Variants in GARS1 observed in about 807,000 individuals in gnomAD.
GARS1 encodes the protein glycyl-tRNA synthetase 1.
GARS1 carries 46 observed loss-of-function variants against 86.4 expected under a neutral mutation model. That is an observed-to-expected ratio of 0.53 (90% CI 0.42 to 0.68). The LOEUF is 0.68. GARS1 is among the 30% of genes least tolerant of loss of function. The probability of loss-of-function intolerance (pLI) is 0.00; values close to 1 mark genes in which losing one functional copy is unlikely to be tolerated. For missense variants in GARS1, 797 were observed against 915.6 expected (o/e 0.87, Z 1.67); for synonymous variants, 342 against 329.8 (o/e 1.04, Z -0.40).
At chr7:30,627,429 A>G (rs1584050218) in intron 13 of GARS1, among the ~76,000 whole-genome samples, 1 of 152,380 alleles carries the variant, frequency 6.6e-6, no homozygotes, top group East Asian at 1.9e-4. Context: ...TCTTTATCAT[A>G]GACAAACAGG....
intron 6 of GARS1, among the ~76,000 whole-genome samples, chr7:30,604,201 A>G (rs552789409): frequency 1.3e-5 from 2 of 152,232 alleles, no homozygotes; most frequent in African/African-American, 4.8e-5. Context: ...AGACCACCCT[A>G]AGAATGTGAT....
intron 10 of GARS1, among the ~76,000 whole-genome samples, chr7:30,618,468 T>C (rs1782932565): frequency 6.6e-6 from 1 of 152,128 alleles, no homozygotes; most frequent in South Asian, 2.1e-4. Context: ...ACCCTGTCTC[T>C]ACAAAAAATA....
intron 12 of GARS1, among the ~76,000 whole-genome samples, chr7:30,623,791 C>G (rs1221404676): frequency 6.6e-6 from 1 of 151,996 alleles, no homozygotes; most frequent in African/African-American, 2.4e-5. Context: ...TAGCTAAAAA[C>G]CAGGGATGAA....
At chr7:30,618,922 T>TAC (rs938768852) in intron 10 of GARS1, among the ~76,000 whole-genome samples, 14 of 152,378 alleles carry the variant, frequency 9.2e-5, no homozygotes, top group African/African-American at 3.1e-4. Flanking sequence ...TTAATTTCTT[T>TAC]ACACTTTTTA....
At chr7:30,600,927 A>G (rs1791362112) in intron 3 of GARS1, 132 bp from the exon 4 acceptor site, 2 of 763,622 alleles carry the variant, frequency 2.6e-6, no homozygotes, top group Non-Finnish European at 4.5e-6. Flanking sequence ...AAGGTTCTTC[A>G]GTATTGAGGG....
chr7:30,596,097 G>A (rs935392097), intron 1 of GARS1, among the ~76,000 whole-genome samples: 3 of 152,188 alleles, frequency 2.0e-5, no homozygotes, highest in African/African-American at 7.2e-5. Flanking sequence ...GTAGGACCCC[G>A]GAGATCATGA....
Position 30,594,991 on chromosome 7 carries a change from C to G in GARS1, c.70C>G (p.Leu24Val). ...TCTGCTGCTGCTGCTGCCGCCCCGGCTCTTAGCCCGACCCTCGCTCCTGCT... is the reference window on the plus strand; with the variant it reads ...TCTGCTGCTGCTGCTGCCGCCCCGGGTCTTAGCCCGACCCTCGCTCCTGCT... ...AALLLLLPPR[L>V]LARPSLLLRR... Residue 24 changes from leucine to valine, a missense_variant, in exon 1 of 17, where the codon CTC becomes GTC. This residue lies in a region of GARS1 where 199 missense variants were observed against 176.9 expected (regional missense o/e 1.12). Transcript: ENST00000389266. The G allele has an allele frequency of 6.3e-7, 1 of 1,593,054 alleles. No homozygotes were observed. The highest frequency in any genetic ancestry group is 8.5e-7 in the Non-Finnish European group (1 of 1,177,226).
At chr7:30,596,677 T>G (rs1253590149) in intron 1 of GARS1, among the ~76,000 whole-genome samples, 1 of 152,240 alleles carries the variant, frequency 6.6e-6, no homozygotes, top group East Asian at 1.9e-4. Flanking sequence ...TTTTGTACTT[T>G]AAGATATTTT....
In GARS1 at chr7:30,613,355, A is replaced by C. The variant is rs533649723; in HGVS notation, c.1031+1110A>C. Among the ~76,000 whole-genome samples the C allele has an allele frequency of 1.1e-4, 17 of 152,342 alleles. No homozygotes were observed. The East Asian group carries it at 2.5e-3, about 22-fold the overall frequency. ...AGAAACTTTAGCCAGGTATGATGGC[A>C]ATGACAAATTTGTCAGATTTGAGTC... On this transcript the variant is annotated intron_variant, in intron 8 of 16. Coordinates refer to ENST00000389266, the MANE Select transcript of GARS1 (RefSeq NM_002047.4).
chr7:30,616,002 G>A lies in GARS1; in HGVS notation c.1138G>A (p.Ala380Thr), dbSNP rs772145843. The A allele has an allele frequency of 5.6e-6, 9 of 1,614,198 alleles. No homozygotes were observed. The East Asian group carries it at 1.8e-4, about 32-fold the overall frequency. The change falls in exon 9 of 17, where the codon GCC becomes ACC. Residue 380 changes from alanine (A) to threonine (T), a missense_variant. Coordinates refer to ENST00000389266, the MANE Select transcript of GARS1 (RefSeq NM_002047.4). ...DLHLYLYSAKAQVSGQSARKM... is the reference protein window; with the variant it reads ...DLHLYLYSAKTQVSGQSARKM... ...TCACCTTTATTTGTATTCAGCAAAA[G>A]CCCAGGTCAGCGGACAGTCCGCTCG...
In GARS1 at chr7:30,598,834, C is replaced by T; in HGVS notation, c.261C>T (p.Pro87=). The T allele has an allele frequency of 6.2e-7, 1 of 1,614,098 alleles. No individual in the cohort carries two copies. Among genetic ancestry groups the T allele is most frequent in the Non-Finnish European group, 8.5e-7 (1 of 1,180,012 alleles). The change falls in exon 2 of 17, where the codon CCC becomes CCT. Residue 87 remains proline, a synonymous_variant. Coordinates refer to ENST00000389266, the MANE Select transcript of GARS1 (RefSeq NM_002047.4). ...GAAAACTCAAAGAAGATAAAGCACCCCAAGTAGACGTAGACAAAGCAGTGG... is the reference window on the plus strand; with the variant it reads ...GAAAACTCAAAGAAGATAAAGCACCTCAAGTAGACGTAGACAAAGCAGTGG... ...LVRKLKEDKA[P]QVDVDKAVAE...
chr7:30,597,269 G>C (rs1791272145), intron 1 of GARS1, among the ~76,000 whole-genome samples: 1 of 152,140 alleles, frequency 6.6e-6, no homozygotes, highest in Non-Finnish European at 1.5e-5. Flanking sequence ...TCAGGTATTG[G>C]TGAAAGAGCC....
In GARS1 at chr7:30,633,695, C is replaced by T. The variant is rs749143755; in HGVS notation, c.2095-40C>T. ...TGAATCTTCTTCTTAAAAATCTGAA[C>T]AAGTTGGTTGATACTTGGCTTCTCT... On this transcript the variant is annotated intron_variant, in intron 16 of 16. Transcript: ENST00000389266. 3.7e-6 allele frequency: 6 copies of T among 1,609,642 alleles called. No individual in the cohort carries two copies. The Admixed American group carries it at 1.0e-4, about 27-fold the overall frequency.
intron 1 of GARS1, among the ~76,000 whole-genome samples, chr7:30,596,760 CAGTT>C (rs1440647355): frequency 1.1e-4 from 17 of 152,100 alleles, no homozygotes; most frequent in African/African-American, 3.9e-4. Context: ...ACACATATAT[CAGTT>C]AGTTAATTGT....
chr7:30,606,752 C>CTT (rs1791492638), intron 6 of GARS1, among the ~76,000 whole-genome samples: 1 of 152,164 alleles, frequency 6.6e-6, no homozygotes, highest in Non-Finnish European at 1.5e-5. Context: ...AGCCCTGGTA[C>CTT]TTGGTACTTA....
chr7:30,610,916 T>C (rs1203673117), intron 7 of GARS1, among the ~76,000 whole-genome samples: 1 of 152,222 alleles, frequency 6.6e-6, no homozygotes, highest in Non-Finnish European at 1.5e-5. Context: ...ACATACTAAC[T>C]GTAAATATAT....
upstream of GARS1, chr7:30,594,817 C>T: frequency 1.0e-6 from 1 of 991,610 alleles, no homozygotes. Context: ...TGTGCGGCAG[C>T]ACGCGCGCCG....
intron 10 of GARS1, among the ~76,000 whole-genome samples, chr7:30,620,984 A>G (rs761558002): frequency 1.3e-4 from 20 of 152,344 alleles, no homozygotes; most frequent in South Asian, 8.3e-4. Context: ...CAGACTCAGT[A>G]TAACAATATA....
intron 14 of GARS1, 141 bp from the exon 15 acceptor site, chr7:30,631,307 T>G: frequency 1.6e-6 from 1 of 642,784 alleles, no homozygotes; most frequent in South Asian, 1.6e-5. Flanking sequence ...ATACTGCTTT[T>G]CATGTCATGT....
Sources: allele counts gnomAD v4.1 joint callset (sites outside exome capture counted in the v4.1 genomes callset), GRCh38; gene constraint gnomAD v4.1.1; regional missense constraint gnomAD v4.1.1; transcripts MANE v1.5; gene names NCBI Gene and HGNC (gene_info 2026-07-23, HGNC 2026-07-21).